IRF2: variants seen among roughly 807,000 people sequenced by gnomAD.
IRF2 encodes the protein interferon regulatory factor 2.
In IRF2, 15 loss-of-function variants were observed where a neutral mutation model predicts 40.6. The ratio of observed to expected loss-of-function variants is 0.37; its 90% CI spans 0.25 to 0.57. IRF2 has a LOEUF of 0.57. IRF2 is among the 20% of genes least tolerant of loss of function. The pLI is 0.77. For synonymous variants in IRF2, 151 were observed against 165.5 expected (o/e 0.91, Z 0.67); for missense variants, 317 against 455.7 (o/e 0.70, Z 2.77).
At chr4:184,409,057 C>A (rs1168449948) in intron 5 of IRF2, among the ~76,000 whole-genome samples, 2 of 152,194 alleles carry the variant, frequency 1.3e-5, no homozygotes, top group African/African-American at 2.4e-5. Context: ...CAAAAGCCAG[C>A]CCTGAGGTGC....
chr4:184,420,080 C>G (rs989279295), intron 2 of IRF2, among the ~76,000 whole-genome samples: 1 of 152,162 alleles, frequency 6.6e-6, no homozygotes, highest in African/African-American at 2.4e-5. Flanking sequence ...GCTGGCCAGG[C>G]TGGTCTCGAA....
At chr4:184,423,585 T>C (rs547845421) in intron 2 of IRF2, among the ~76,000 whole-genome samples, 3 of 152,170 alleles carry the variant, frequency 2.0e-5, no homozygotes, top group Non-Finnish European at 4.4e-5. Flanking sequence ...ATGATTCCCC[T>C]GCCTTAGTGC....
chr4:184,391,036 C>T (rs556089717), intron 7 of IRF2, among the ~76,000 whole-genome samples: 21 of 152,234 alleles, frequency 1.4e-4, no homozygotes, highest in Non-Finnish European at 2.9e-4. Context: ...GCCCTCCTCA[C>T]TGCAGCTCTG....
intron 1 of IRF2, among the ~76,000 whole-genome samples, chr4:184,442,017 A>G (rs1483799263): frequency 1.3e-5 from 2 of 152,128 alleles, no homozygotes; most frequent in African/African-American, 4.8e-5. Flanking sequence ...CTGACCTGGC[A>G]TCTGCACTGG....
chr4:184,418,043 A>G (rs924201073), intron 5 of IRF2, 124 bp downstream of exon 5: 29 of 773,376 alleles, frequency 3.7e-5, no homozygotes, highest in Non-Finnish European at 5.5e-5. Context: ...TGTAAAGCAC[A>G]GAAGACACAA....
At chr4:184,468,159 CATAAA>C (rs1404787213) in intron 1 of IRF2, among the ~76,000 whole-genome samples, 1 of 152,114 alleles carries the variant, frequency 6.6e-6, no homozygotes, top group East Asian at 1.9e-4. Flanking sequence ...GAGACAAATA[CATAAA>C]ATAAAATAAA....
At chr4:184,435,567 AG>A (rs565052272) in intron 1 of IRF2, among the ~76,000 whole-genome samples, 1 of 152,166 alleles carries the variant, frequency 6.6e-6, no homozygotes, top group Non-Finnish European at 1.5e-5. Flanking sequence ...GTTAAAAATT[AG>A]GGGGGCAAGA....
At chr4:184,452,763 C>T (rs1279301649) in intron 1 of IRF2, among the ~76,000 whole-genome samples, 3 of 38,832 alleles carry the variant, frequency 7.7e-5, no homozygotes, top group East Asian at 1.9e-3. Context: ...AGAGCAGGAC[C>T]CTGTCTCAAA....
intron 1 of IRF2, among the ~76,000 whole-genome samples, chr4:184,462,683 TA>T (rs1485301844): frequency 6.6e-6 from 1 of 152,238 alleles, no homozygotes; most frequent in African/African-American, 2.4e-5. Flanking sequence ...AAACTGATAA[TA>T]TTTTTTAAAG....
At chr4:184,436,640 G>A (rs1223573339) in intron 1 of IRF2, among the ~76,000 whole-genome samples, 2 of 152,144 alleles carry the variant, frequency 1.3e-5, no homozygotes, top group African/African-American at 4.8e-5. Flanking sequence ...TTAATGGATG[G>A]GGAGGTGCTG....
At chr4:184,418,452 G>T in intron 4 of IRF2, 80 bp downstream of exon 4, 1 of 1,307,854 alleles carries the variant, frequency 7.6e-7, no homozygotes, top group Non-Finnish European at 1.1e-6. Context: ...CAAACTGACT[G>T]CAGATGTAGA....
At chr4:184,429,146 G>T in intron 1 of IRF2, 76 bp from the exon 2 acceptor site, 1 of 1,123,612 alleles carries the variant, frequency 8.9e-7, no homozygotes. Context: ...TCTACACCCC[G>T]CCTGACTCTT....
At chr4:184,421,564 T>C (rs72703766) in intron 2 of IRF2, among the ~76,000 whole-genome samples, 18,717 of 152,254 alleles carry the variant, frequency 0.12, 1,298 homozygotes, top group East Asian at 0.27. Flanking sequence ...GCCCAGAATC[T>C]AAAGCTTTAT....
At chr4:184,434,407 TG>T (rs1313396319) in intron 1 of IRF2, among the ~76,000 whole-genome samples, 2 of 152,176 alleles carry the variant, frequency 1.3e-5, no homozygotes, top group African/African-American at 2.4e-5. Context: ...CATAATCTGA[TG>T]TTTTTTTTTC....
chr4:184,429,482 A>G (rs1737795787), intron 1 of IRF2, among the ~76,000 whole-genome samples: 1 of 152,172 alleles, frequency 6.6e-6, no homozygotes, highest in Non-Finnish European at 1.5e-5. Context: ...CAGTTGTGGG[A>G]AAAAATTATG....
rs748028850 is a variant in IRF2, at chr4:184,419,463, T to C, written c.187+6A>G. 11 of 1,589,934 alleles carry C rather than the reference T, an allele frequency of 6.9e-6. No individual in the cohort carries two copies. Among genetic ancestry groups the C allele is most frequent in the Non-Finnish European group, 8.6e-6 (10 of 1,159,406 alleles). The stretch of plus-strand genomic sequence containing the variant: ...CCTCTATAAACGCCGCAGGGAGTTT[T>C]AGTACCTGTATGGATTGCCCAGTTT... On this transcript the variant is annotated splice_donor_region_variant and intron_variant, in intron 3 of 8. Transcript: ENST00000393593.
chr4:184,391,138 C>T (rs558729406), intron 7 of IRF2, among the ~76,000 whole-genome samples: 71 of 152,346 alleles, frequency 4.7e-4, no homozygotes, highest in African/African-American at 1.7e-3. Flanking sequence ...AAAAGGTCTT[C>T]CTACATTATC....
At chr4:184,462,017 T>C (rs1392848673) in intron 1 of IRF2, among the ~76,000 whole-genome samples, 1 of 152,110 alleles carries the variant, frequency 6.6e-6, no homozygotes, top group Non-Finnish European at 1.5e-5. Context: ...CCTTCAAAGG[T>C]CAGCTAAACA....
chr4:184,389,117 G>T, intron 8 of IRF2, 51 bp from the exon 9 acceptor site: 1 of 1,577,024 alleles, frequency 6.3e-7, no homozygotes, highest in Non-Finnish European at 8.7e-7. Context: ...CTATTGGATG[G>T]CTTTTTAAAA....
Sources: gnomAD v4.1 joint callset for allele counts (sites outside exome capture counted in the v4.1 genomes callset) on GRCh38, gnomAD v4.1.1 for gene constraint, MANE v1.5 for transcripts, NCBI Gene and HGNC (gene_info 2026-07-23, HGNC 2026-07-21) for gene names.